The following ADCY2 variants were observed in gnomAD, a reference collection of about 807,000 sequenced individuals.
ADCY2 encodes adenylate cyclase type 2.
ADCY2 carries 31 observed loss-of-function variants against 125.2 expected under a neutral mutation model. The ratio of observed to expected loss-of-function variants is 0.25; its 90% CI spans 0.19 to 0.33. ADCY2 has a LOEUF of 0.33. Ranked by LOEUF, ADCY2 falls within the 10% of genes least tolerant of loss-of-function variation. The probability of loss-of-function intolerance (pLI) is 1.00; values close to 1 mark genes in which losing one functional copy is unlikely to be tolerated. For missense variants in ADCY2, 904 were observed against 1,418.2 expected (o/e 0.64, Z 5.82); for synonymous variants, 512 against 548.4 (o/e 0.93, Z 0.93).
At chr5:7,566,228 C>T (rs1237422337) in intron 3 of ADCY2, among the ~76,000 whole-genome samples, 2 of 152,156 alleles carry the variant, frequency 1.3e-5, no homozygotes, top group Non-Finnish European at 2.9e-5. Context: ...GTGGCTTAAG[C>T]CTGTAATCCC....
chr5:7,530,840 T>G (rs1208076724), intron 3 of ADCY2, among the ~76,000 whole-genome samples: 1 of 152,106 alleles, frequency 6.6e-6, no homozygotes, highest in Non-Finnish European at 1.5e-5. Context: ...TTACACATGC[T>G]GTACCCTCTG....
intron 5 of ADCY2, among the ~76,000 whole-genome samples, chr5:7,695,115 C>T (rs569133391): frequency 3.3e-5 from 5 of 152,258 alleles, no homozygotes; most frequent in Admixed American, 1.3e-4. Context: ...AGTTGCAGTG[C>T]GCACACAGGT....
chr5:7,516,972 G>A (rs940973104), intron 2 of ADCY2, among the ~76,000 whole-genome samples: 5 of 152,060 alleles, frequency 3.3e-5, no homozygotes, highest in Non-Finnish European at 7.4e-5. Context: ...TGACTTTCAA[G>A]GATTTGCATC....
At chr5:7,523,003 C>T (rs1306443503) in intron 3 of ADCY2, among the ~76,000 whole-genome samples, 1 of 152,040 alleles carries the variant, frequency 6.6e-6, no homozygotes, top group Non-Finnish European at 1.5e-5. Flanking sequence ...CTCACATGAG[C>T]AATCAGACAC....
chr5:7,686,545 C>T (rs1326791663), intron 4 of ADCY2, among the ~76,000 whole-genome samples: 2 of 152,142 alleles, frequency 1.3e-5, no homozygotes, highest in African/African-American at 4.8e-5. Context: ...ATGAGCTTTA[C>T]TAGAAAGAGA....
At chr5:7,704,155 G>T (rs901457912) in intron 7 of ADCY2, among the ~76,000 whole-genome samples, 1 of 152,168 alleles carries the variant, frequency 6.6e-6, no homozygotes, top group Middle Eastern at 3.4e-3. Context: ...TGAGCCGTGC[G>T]TGGGATGGGT....
chr5:7,565,280 G>A lies in ADCY2; in HGVS notation c.570+44381G>A, dbSNP rs77960843. 4.1e-3 allele frequency among the ~76,000 whole-genome samples: 632 copies of A among 152,296 alleles called. 28 individuals are homozygous for A. The East Asian group carries it at 0.097, about 23-fold the overall frequency. ...CTTTCAAAGCACACATAAATGAAAC[G>A]CTGGGCAACTCATTAAGACATTTAT... is the stretch of plus-strand genomic sequence containing the variant. On this transcript the variant is annotated intron_variant, in intron 3 of 24. Coordinates refer to ENST00000338316, the MANE Select transcript of ADCY2 (RefSeq NM_020546.3).
At chr5:7,805,618 A>G (rs1017522620) in intron 22 of ADCY2, among the ~76,000 whole-genome samples, 3 of 152,092 alleles carry the variant, frequency 2.0e-5, no homozygotes, top group African/African-American at 7.2e-5. Context: ...ACCAGAACAC[A>G]CTTTCTGTGG....
chr5:7,640,254 G>A (rs2126672776), intron 4 of ADCY2, among the ~76,000 whole-genome samples: 1 of 152,252 alleles, frequency 6.6e-6, no homozygotes, highest in East Asian at 1.9e-4. Context: ...ATTTACGAGT[G>A]GCTATTGCAA....
At chr5:7,442,059 C>T (rs1002443124) in intron 2 of ADCY2, among the ~76,000 whole-genome samples, 1 of 152,196 alleles carries the variant, frequency 6.6e-6, no homozygotes, top group African/African-American at 2.4e-5. Context: ...ACCATTATCA[C>T]ACTTAACAAA....
At chr5:7,656,422 T>G (rs1231286389) in intron 4 of ADCY2, among the ~76,000 whole-genome samples, 1 of 152,208 alleles carries the variant, frequency 6.6e-6, no homozygotes, top group Non-Finnish European at 1.5e-5. Context: ...CTCTTTAAAA[T>G]TTTTCAGGAT....
At position 7,644,228 on chromosome 5, in the gene ADCY2, C is replaced by T. The variant is rs112936288; in HGVS notation, c.720+17912C>T. On this transcript the variant is annotated intron_variant, in intron 4 of 24. Transcript: ENST00000338316. ...CTGTTGAACTGCCATCTAAATTCAC[C>T]GTTCAACTGAAAACACTTCCTAAAT... Among the ~76,000 whole-genome samples the T allele has an allele frequency of 7.9e-3, 1,200 of 152,210 alleles. 18 individuals carry two copies. Among genetic ancestry groups the T allele is most frequent in the African/African-American group, 0.027 (1,125 of 41,534 alleles).
intron 4 of ADCY2, among the ~76,000 whole-genome samples, chr5:7,632,272 AT>A (rs975833541): frequency 6.6e-6 from 1 of 152,190 alleles, no homozygotes; most frequent in Non-Finnish European, 1.5e-5. Flanking sequence ...ATCTCAGACC[AT>A]TAATTAAACT....
At chr5:7,615,058 T>G (rs1039135761) in intron 3 of ADCY2, among the ~76,000 whole-genome samples, 1 of 152,054 alleles carries the variant, frequency 6.6e-6, no homozygotes, top group Non-Finnish European at 1.5e-5. Context: ...CATCTTCACA[T>G]AGTGGAGCAG....
At chr5:7,580,117 A>G (rs1221229976) in intron 3 of ADCY2, among the ~76,000 whole-genome samples, 1 of 152,128 alleles carries the variant, frequency 6.6e-6, no homozygotes. Flanking sequence ...AAGGAGGAGG[A>G]CACCTGTTTA....
At chr5:7,615,201 A>G (rs1212514126) in intron 3 of ADCY2, among the ~76,000 whole-genome samples, 6 of 152,114 alleles carry the variant, frequency 3.9e-5, no homozygotes, top group African/African-American at 1.4e-4. Flanking sequence ...CCCCTCCTTC[A>G]ACACTGGGGA....
Position 7,486,173 on chromosome 5 carries a change from G to A in ADCY2, c.409-34565G>A, listed in dbSNP as rs1013650772. 5.3e-5 allele frequency among the ~76,000 whole-genome samples: 8 copies of A among 152,132 alleles called. 1 individual carries two copies. Among genetic ancestry groups the A allele is most frequent in the Non-Finnish European group, 1.0e-4 (7 of 68,030 alleles). On this transcript the variant is annotated intron_variant, in intron 2 of 24. Coordinates refer to ENST00000338316, the MANE Select transcript of ADCY2 (RefSeq NM_020546.3). ...TCAAAGTGTGCACTGCCCGACTGTC[G>A]CTATCTCTTCATTATAGTGCTGTTG...
At chr5:7,482,894 T>C (rs1227252469) in intron 2 of ADCY2, among the ~76,000 whole-genome samples, 1 of 149,782 alleles carries the variant, frequency 6.7e-6, no homozygotes, top group African/African-American at 2.5e-5. Context: ...GAACTGGAGG[T>C]TCAATGACAT....
chr5:7,804,722 G>A (rs757538167), intron 22 of ADCY2, 30 bp downstream of exon 22: 1 of 1,566,842 alleles, frequency 6.4e-7, no homozygotes, highest in Non-Finnish European at 8.8e-7. Context: ...TAACGGCACA[G>A]GTGAGCCTCA....
Sources: allele counts gnomAD v4.1 joint callset (sites outside exome capture counted in the v4.1 genomes callset), GRCh38; gene constraint gnomAD v4.1.1; transcripts MANE v1.5; gene names NCBI Gene and HGNC (gene_info 2026-07-23, HGNC 2026-07-21).